A2M: variants seen among roughly 807,000 people sequenced by gnomAD.
A2M encodes C3 and PZP-like alpha-2-macroglobulin domain-containing protein 5.
A neutral mutation model predicts 183.9 loss-of-function variants in A2M; 128 were observed. The ratio of observed to expected loss-of-function variants is 0.70; its 90% confidence interval spans 0.60 to 0.81. The LOEUF (loss-of-function observed/expected upper bound fraction) is 0.81, where lower values mean the gene tolerates loss of function less well. Among genes scored for constraint, A2M ranks in the 30% least tolerant of loss-of-function variants. The pLI is 0.00. For synonymous variants in A2M, 592 were observed against 670.8 expected, an observed-to-expected ratio of 0.88 and a Z score of 1.81; for missense variants, 1,495 against 1,787.6, an observed-to-expected ratio of 0.84 and a Z score of 2.95.
intron 20 of A2M, 97 bp from the exon 21 acceptor site, chr12:9,090,120 GT>G: frequency 6.6e-7 from 1 of 1,513,892 alleles, no homozygotes; most frequent in Non-Finnish European, 8.9e-7. Flanking sequence ...GTAAACTTTT[GT>G]TTTATTAAAA....
At chr12:9,111,605 TC>T (rs1459471211) in intron 4 of A2M, 2 of 450,184 alleles carry the variant, frequency 4.4e-6, no homozygotes, top group Non-Finnish European at 8.9e-6. Context: ...TAATCTTTTG[TC>T]TTTGGAGCTA....
At chr12:9,091,476 A>G (rs1209002875) in intron 18 of A2M, 47 bp from the exon 19 acceptor site, 1 of 1,592,504 alleles carries the variant, frequency 6.3e-7, no homozygotes, top group African/African-American at 1.3e-5. Flanking sequence ...AGTTAAATAC[A>G]TCCTTTCTAG....
At chr12:9,094,120 T>A (rs1245984250) in intron 17 of A2M, among the ~76,000 whole-genome samples, 1 of 152,006 alleles carries the variant, frequency 6.6e-6, no homozygotes, top group Non-Finnish European at 1.5e-5. Context: ...CAAGTTTCCA[T>A]TGGTGTGCTC....
intron 32 of A2M, among the ~76,000 whole-genome samples, 190 bp from the exon 33 acceptor site, chr12:9,070,003 G>A (rs1372227132): frequency 3.9e-5 from 6 of 152,144 alleles, no homozygotes; most frequent in Non-Finnish European, 5.9e-5. Context: ...TATAACACAC[G>A]ACTAATGTGT....
At chr12:9,109,604 A>G (rs1938571197) in intron 6 of A2M, among the ~76,000 whole-genome samples, 199 bp from the exon 7 acceptor site, 1 of 152,206 alleles carries the variant, frequency 6.6e-6, no homozygotes, top group South Asian at 2.1e-4. Flanking sequence ...TGTGTGCTTA[A>G]TTAATTATGG....
chr12:9,068,944 C>A, intron 33 of A2M, 102 bp from the exon 34 acceptor site: 1 of 743,946 alleles, frequency 1.3e-6, no homozygotes, highest in Non-Finnish European at 2.2e-6. Context: ...GCTTTATTAT[C>A]CTACAGCACA....
Position 9,080,076 on chromosome 12 carries a change from T to C in A2M, c.2854+18A>G, listed in dbSNP as rs768756620. 5.9e-6 allele frequency: 9 copies of C among 1,537,222 alleles called. No homozygotes were observed. Among genetic ancestry groups the C allele is most frequent in the Admixed American group, 1.9e-5 (1 of 52,782 alleles). On this transcript the variant is annotated intron_variant, in intron 23 of 35. Coordinates refer to ENST00000318602, the MANE Select transcript of A2M (RefSeq NM_000014.6). ...AGAAGCTGTTAATGCCCGGATCCAC[T>C]AGGGGCTGGAGACTCACCCAAAACT...
intron 2 of A2M, 57 bp from the exon 3 acceptor site, chr12:9,112,593 A>G: frequency 3.1e-6 from 5 of 1,592,784 alleles, no homozygotes; most frequent in Non-Finnish European, 4.3e-6. Flanking sequence ...CTCCTCCCCT[A>G]TTTGCTGTTG....
chr12:9,114,803 C>T (rs1939001399), intron 1 of A2M, among the ~76,000 whole-genome samples: 1 of 151,820 alleles, frequency 6.6e-6, no homozygotes, highest in African/African-American at 2.4e-5. Context: ...TAGAATGTAA[C>T]CATAAATTTA....
Position 9,096,964 on chromosome 12 carries a change from G to T in A2M, c.1852-1264C>A, listed in dbSNP as rs60943491. Among the ~76,000 whole-genome samples the T allele has an allele frequency of 6.5e-3, 994 of 152,274 alleles. 6 individuals carry two copies. Among genetic ancestry groups the T allele is most frequent in the African/African-American group, 0.023 (949 of 41,552 alleles). On this transcript the variant is annotated intron_variant, in intron 15 of 35. Transcript: ENST00000318602. ...AATGACCTACACTAGTAGCAGCAAAGTGTTTCATTGGTAAGACACTAATCA... is the reference window on the plus strand; with the variant it reads ...AATGACCTACACTAGTAGCAGCAAATTGTTTCATTGGTAAGACACTAATCA...
intron 33 of A2M, 68 bp downstream of exon 33, chr12:9,069,671 ATTTACC>A: frequency 8.6e-7 from 1 of 1,168,672 alleles, no homozygotes; most frequent in South Asian, 1.5e-5. Flanking sequence ...TCTAAAATGC[ATTTACC>A]TTCCCAGATG....
At position 9,077,693 on chromosome 12, in the gene A2M, T is replaced by C; in HGVS notation, c.3276+8A>G. The C allele has an allele frequency of 6.2e-7, 1 of 1,613,270 alleles. No homozygotes were observed. Among genetic ancestry groups the C allele is most frequent in the Non-Finnish European group, 8.5e-7 (1 of 1,179,454 alleles). ...GGACAAATCAAAACTAGCTCCAGAA[T>C]GATTCACCTTTATGGCATTGTTGAG... On this transcript the variant is annotated splice_region_variant and intron_variant, in intron 26 of 35. Transcript: ENST00000318602.
chr12:9,105,107 T>A (rs1238569387), intron 10 of A2M, among the ~76,000 whole-genome samples: 2 of 152,190 alleles, frequency 1.3e-5, no homozygotes, highest in African/African-American at 4.8e-5. Flanking sequence ...GTATTGGCAG[T>A]TGAGTAGTCC....
chr12:9,092,865 G>A (rs774991425), intron 18 of A2M, among the ~76,000 whole-genome samples: 2 of 152,306 alleles, frequency 1.3e-5, no homozygotes, highest in East Asian at 3.9e-4. Context: ...AACAACCTAA[G>A]TGTCTGGGTG....
rs1402205592 is a variant in A2M, at chr12:9,080,074, A to T, written c.2854+20T>A. On this transcript the variant is annotated intron_variant, in intron 23 of 35. Coordinates refer to ENST00000318602, the MANE Select transcript of A2M (RefSeq NM_000014.6). Reference sequence around the variant, plus strand: ...ATAGAAGCTGTTAATGCCCGGATCCACTAGGGGCTGGAGACTCACCCAAAA... The same window carrying T: ...ATAGAAGCTGTTAATGCCCGGATCCTCTAGGGGCTGGAGACTCACCCAAAA... 2 of 1,527,722 alleles carry T rather than the reference A, an allele frequency of 1.3e-6. No homozygotes were observed. The highest frequency in any genetic ancestry group is 1.8e-6 in the Non-Finnish European group (2 of 1,125,228). 94.6% of individuals were successfully genotyped at this position (1,527,722 alleles called of 1,614,324 possible). A position where few individuals can be genotyped will look rare whatever the true frequency, so the allele number is the denominator to read the frequency against.
intron 22 of A2M, among the ~76,000 whole-genome samples, chr12:9,088,274 A>T (rs1949107841): frequency 6.6e-6 from 1 of 151,902 alleles, no homozygotes; most frequent in South Asian, 2.1e-4. Flanking sequence ...TTTAAAGAAG[A>T]ATATATTTTT....
In A2M at chr12:9,073,991, G is replaced by A. The variant is rs781556084; in HGVS notation, c.3756+569C>T. Among the ~76,000 whole-genome samples, 126 of 151,872 alleles carry A rather than the reference G, an allele frequency of 8.3e-4. 1 individual carries two copies. Among genetic ancestry groups the A allele is most frequent in the African/African-American group, 2.9e-3 (121 of 41,392 alleles). ...TAATCCTAGATACTTGGGAGGCTGAGGCACTAGAATCGCTTGAACCTGGGA... is the reference window on the plus strand; with the variant it reads ...TAATCCTAGATACTTGGGAGGCTGAAGCACTAGAATCGCTTGAACCTGGGA... On this transcript the variant is annotated intron_variant, in intron 29 of 35. Transcript: ENST00000318602.
At chr12:9,107,793 G>A (rs1203356932) in intron 7 of A2M, 149 bp from the exon 8 acceptor site, 1 of 722,550 alleles carries the variant, frequency 1.4e-6, no homozygotes, top group Non-Finnish European at 2.1e-6. Context: ...GAAGACAAGA[G>A]TCACTAATGG....
rs188692602 is a variant in A2M, at chr12:9,067,818, G to A, written c.*5C>T. The stretch of plus-strand genomic sequence containing the variant: ...CCAGCAAAGCACTTTTCAGCCTTGT[G>A]GTCTTCAAGCATTTCCAAGATCTGT... On this transcript the variant is annotated 3_prime_UTR_variant, in exon 36 of 36. Transcript: ENST00000318602. The A allele has an allele frequency of 9.9e-6, 16 of 1,612,632 alleles. No homozygotes were observed. In the East Asian group the frequency reaches 3.1e-4, roughly 31 times the overall value.
Sources: allele counts gnomAD v4.1 joint callset (sites outside exome capture counted in the v4.1 genomes callset), GRCh38; gene constraint gnomAD v4.1.1; transcripts MANE v1.5; gene names NCBI Gene and HGNC (gene_info 2026-07-23, HGNC 2026-07-21).